Variants in EDN1 observed in about 807,000 individuals in gnomAD.
The protein encoded by EDN1 is endothelin 1.
Under a neutral mutation model 21.7 loss-of-function variants are expected in EDN1, and 11 were observed. That is an observed-to-expected ratio of 0.51 (90% CI 0.32 to 0.84). EDN1 has a LOEUF of 0.84. EDN1 is among the 40% of genes least tolerant of loss of function. The pLI, the probability that EDN1 is intolerant of heterozygous loss-of-function variation, is 0.03. For synonymous variants in EDN1, 85 were observed against 90.6 expected (o/e 0.94, Z 0.35); for missense variants, 244 against 262.3 (o/e 0.93, Z 0.48).
chr6:12,253,149 T>C, the EDN1 span, among the ~76,000 whole-genome samples: 1 of 152,226 alleles, frequency 6.6e-6, no homozygotes, highest in Non-Finnish European at 1.5e-5. Context: ...TGCCAAGATT[T>C]TCATAAAATG....
At chr6:12,260,141 A>G in the EDN1 span, among the ~76,000 whole-genome samples, 1 of 152,138 alleles carries the variant, frequency 6.6e-6, no homozygotes, top group African/African-American at 2.4e-5. Flanking sequence ...AACTCTTAAA[A>G]AACAATAAGA....
At chr6:12,280,849 T>C in the EDN1 span, among the ~76,000 whole-genome samples, 1 of 152,052 alleles carries the variant, frequency 6.6e-6, no homozygotes, top group Admixed American at 6.6e-5. Context: ...GCCAAGAACA[T>C]GCCACTGCAC....
chr6:12,295,312 T>G (rs1322632519), intron 4 of EDN1, among the ~76,000 whole-genome samples: 1 of 152,130 alleles, frequency 6.6e-6, no homozygotes, highest in Non-Finnish European at 1.5e-5. Flanking sequence ...ATCGGTTTCT[T>G]CACACCTGCT....
the EDN1 span, among the ~76,000 whole-genome samples, chr6:12,257,485 T>G: frequency 1.3e-5 from 2 of 152,192 alleles, no homozygotes; most frequent in South Asian, 2.1e-4. Context: ...TGAGGGATTT[T>G]GGGGATACAA....
At chr6:12,276,086 C>T in the EDN1 span, among the ~76,000 whole-genome samples, 26 of 147,496 alleles carry the variant, frequency 1.8e-4, no homozygotes, top group East Asian at 4.6e-3. Context: ...GGCGTGAGCC[C>T]GGGAGGCAGA....
At chr6:12,242,531 A>G in the EDN1 span, among the ~76,000 whole-genome samples, 7 of 152,208 alleles carry the variant, frequency 4.6e-5, no homozygotes, top group Non-Finnish European at 2.9e-5. Flanking sequence ...CCTACCTTAT[A>G]AGGTTGCTGT....
chr6:12,293,971 T>C lies in EDN1; in HGVS notation c.264T>C (p.Pro88=). 2 of 1,614,206 alleles carry C rather than the reference T, an allele frequency of 1.2e-6. No homozygotes were observed. The highest frequency in any genetic ancestry group is 1.7e-6 in the Non-Finnish European group (2 of 1,180,028). The part of the protein sequence containing the change: ...EHVVPYGLGS[P]RSKRALENLL... ...TTGTTCCGTATGGACTTGGAAGCCCTAGGTCCAAGAGAGCCTTGGAGAATT... is the reference window on the plus strand; with the variant it reads ...TTGTTCCGTATGGACTTGGAAGCCCCAGGTCCAAGAGAGCCTTGGAGAATT... Residue 88 remains proline, a synonymous_variant, in exon 3 of 5, where the codon CCT becomes CCC. Transcript: ENST00000379375.
chr6:12,294,193 G>A, intron 3 of EDN1, 68 bp from the exon 4 acceptor site: 1 of 1,613,324 alleles, frequency 6.2e-7, no homozygotes, highest in Middle Eastern at 1.7e-4. Flanking sequence ...GACTAACAGA[G>A]ACATTGAAAG....
the EDN1 span, among the ~76,000 whole-genome samples, chr6:12,269,580 AT>A: frequency 6.6e-6 from 1 of 152,012 alleles, no homozygotes; most frequent in Non-Finnish European, 1.5e-5. Context: ...AAATGATTAT[AT>A]GGTTTTTGTC....
At chr6:12,258,224 G>A in the EDN1 span, among the ~76,000 whole-genome samples, 32 of 151,630 alleles carry the variant, frequency 2.1e-4, no homozygotes, top group South Asian at 1.1e-3. Context: ...GGCCAAAGCC[G>A]GAAGATCATC....
In EDN1 at chr6:12,290,655, C is replaced by T; in HGVS notation, c.26C>T (p.Ser9Phe). The change falls in exon 1 of 5, where the codon TCT becomes TTT. Residue 9 changes from serine to phenylalanine, a missense_variant. Transcript: ENST00000379375. ...ATGGATTATTTGCTCATGATTTTCT[C>T]TCTGCTGTTTGTGGCTTGCCAAGGA... MDYLLMIF[S>F]LLFVACQGAP... 1.9e-6 allele frequency: 3 copies of T among 1,614,178 alleles called. No individual in the cohort carries two copies. The highest frequency in any genetic ancestry group is 2.5e-6 in the Non-Finnish European group (3 of 1,180,014).
chr6:12,279,712 A>G, the EDN1 span, among the ~76,000 whole-genome samples: 1 of 152,354 alleles, frequency 6.6e-6, no homozygotes, highest in East Asian at 1.9e-4. Context: ...CTGAATAGGA[A>G]AAAAACTATC....
chr6:12,294,459 A>C (rs1762771924), intron 4 of EDN1, 55 bp downstream of exon 4: 2 of 1,603,338 alleles, frequency 1.2e-6, no homozygotes, highest in African/African-American at 2.7e-5. Flanking sequence ...AACTAGCCCC[A>C]GTCAGTGATG....
the EDN1 span, among the ~76,000 whole-genome samples, chr6:12,245,831 G>T: frequency 6.6e-6 from 1 of 152,038 alleles, no homozygotes; most frequent in South Asian, 2.1e-4. Flanking sequence ...GAGGCTGTGG[G>T]TGGGGAGGGA....
intron 2 of EDN1, 146 bp downstream of exon 2, chr6:12,292,655 T>C: frequency 1.0e-6 from 1 of 976,138 alleles, no homozygotes. Flanking sequence ...TTTCCCTCTA[T>C]TCCTGAAAAT....
the EDN1 span, among the ~76,000 whole-genome samples, chr6:12,242,411 C>T: frequency 1.3e-5 from 2 of 152,140 alleles, no homozygotes; most frequent in African/African-American, 4.8e-5. Context: ...AAGCCAACTG[C>T]TTGAGCTCCA....
At chr6:12,294,879 G>C (rs1438713967) in intron 4 of EDN1, among the ~76,000 whole-genome samples, 2 of 148,454 alleles carry the variant, frequency 1.3e-5, no homozygotes, top group Non-Finnish European at 3.0e-5. Context: ...ATTAGATAGG[G>C]TTGGTAGAAT....
At chr6:12,259,614 T>A in the EDN1 span, among the ~76,000 whole-genome samples, 4 of 151,686 alleles carry the variant, frequency 2.6e-5, no homozygotes, top group Non-Finnish European at 4.4e-5. Flanking sequence ...AAAATCAAAG[T>A]GATGGAAAGA....
the EDN1 span, among the ~76,000 whole-genome samples, chr6:12,255,380 A>G: frequency 6.6e-6 from 1 of 152,244 alleles, no homozygotes; most frequent in African/African-American, 2.4e-5. Context: ...AGTCATTTCA[A>G]TGCCATTTGG....
Sources: allele counts gnomAD v4.1 joint callset (sites outside exome capture counted in the v4.1 genomes callset), GRCh38; gene constraint gnomAD v4.1.1; transcripts MANE v1.5; gene names NCBI Gene and HGNC (gene_info 2026-07-23, HGNC 2026-07-21).